Variants in HAO1 observed in about 807,000 individuals in gnomAD.
HAO1 encodes the protein 2-Hydroxyacid oxidase 1.
HAO1 carries 34 observed loss-of-function variants against 39.7 expected under a neutral mutation model. The observed-to-expected ratio is 0.86, with a 90% CI of 0.65 to 1.14. The LOEUF (loss-of-function observed/expected upper bound fraction) is 1.14. HAO1 is among the 50% of genes most tolerant of loss of function. The pLI is 0.00. For synonymous variants in HAO1, 172 were observed against 173.2 expected (o/e 0.99, Z 0.05); for missense variants, 479 against 464.5 (o/e 1.03, Z -0.29).
At chr20:7,926,609 T>C (rs1439151178) in intron 2 of HAO1, among the ~76,000 whole-genome samples, 1 of 152,102 alleles carries the variant, frequency 6.6e-6, no homozygotes, top group African/African-American at 2.4e-5. Flanking sequence ...TCCAGAAAAT[T>C]CAACAGCTAA....
At position 7,885,725 on chromosome 20, in the gene HAO1, A is replaced by G; in HGVS notation, c.953T>C (p.Val318Ala). Residue 318 changes from valine to alanine, a missense_variant, in exon 6 of 8, where the codon GTT becomes GCT. Physicochemically the swap from Val to Ala is moderately conservative, Grantham distance 64. Coordinates refer to ENST00000378789, the MANE Select transcript of HAO1 (RefSeq NM_017545.3). ...AKAVFVGRPI[V>A]WGLAFQGEKG... ...AGTTACCTGGAAAGCTAAGCCCCAA[A>G]CGATTGGTCTCCCCACAAACACAGC... 6.2e-7 allele frequency: 1 copy of G among 1,613,448 alleles called. No homozygotes were observed. Among genetic ancestry groups the G allele is most frequent in the Non-Finnish European group, 8.5e-7 (1 of 1,179,574 alleles).
At chr20:7,900,585 G>T (rs756728691) in intron 4 of HAO1, among the ~76,000 whole-genome samples, 1 of 152,104 alleles carries the variant, frequency 6.6e-6, no homozygotes, top group African/African-American at 2.4e-5. Flanking sequence ...GGGGTGCCAT[G>T]AACCATCGCC....
Position 7,934,625 on chromosome 20 carries a change from A to C in HAO1, c.148T>G (p.Tyr50Asp), listed in dbSNP as rs922966952. ...GCAACATTCCGGAGCATCCTTGGAT[A>C]CAGCTTCCATCTAGAATTAAAAAAT... ...NIAAFSRWKL[Y>D]PRMLRNVAET... The change falls in exon 2 of 8, where the codon TAT becomes GAT. Residue 50 changes from tyrosine to aspartate, a missense_variant. Transcript: ENST00000378789. 4 of 1,597,954 alleles carry C rather than the reference A, an allele frequency of 2.5e-6. No homozygotes were observed. In the African/African-American group the frequency reaches 5.4e-5, roughly 22 times the overall value.
At chr20:7,898,938 T>A (rs1300416635) in intron 4 of HAO1, among the ~76,000 whole-genome samples, 1 of 116,390 alleles carries the variant, frequency 8.6e-6, no homozygotes, top group Admixed American at 8.9e-5. Flanking sequence ...GAACTTCAAG[T>A]CAAATGTAAA....
In HAO1 at chr20:7,885,585, C is replaced by T. The variant is rs2050147210; in HGVS notation, c.978G>A (p.Glu326=). The change falls in exon 7 of 8, where the codon GAG becomes GAA. Residue 326 remains glutamate (E), a synonymous_variant. Transcript: ENST00000378789. ...TCTCGAGGACATCTTGAACACCTTT[C>T]TCCCCCTAACCAAGTGAAAAGATAC... The part of the protein sequence containing the change: ...PIVWGLAFQG[E]KGVQDVLEIL... 1 of 1,609,878 alleles carries T rather than the reference C, an allele frequency of 6.2e-7. No homozygotes were observed. Among genetic ancestry groups the T allele is most frequent in the East Asian group, 2.2e-5 (1 of 44,784 alleles).
chr20:7,932,277 C>T (rs2235246), intron 2 of HAO1, among the ~76,000 whole-genome samples: 34,024 of 152,042 alleles, frequency 0.22, 4,149 homozygotes, highest in East Asian at 0.48. Flanking sequence ...TACCCAGTCT[C>T]GAAGAGTATC....
intron 2 of HAO1, among the ~76,000 whole-genome samples, chr20:7,923,353 T>A (rs2050343540): frequency 1.3e-5 from 2 of 152,188 alleles, no homozygotes. Flanking sequence ...ACATCAAGTC[T>A]TAATGAAAAC....
At chr20:7,917,339 C>CAAAAA (rs55848354) in intron 2 of HAO1, among the ~76,000 whole-genome samples, 1 of 62,390 alleles carries the variant, frequency 1.6e-5, no homozygotes, top group Non-Finnish European at 3.3e-5. Context: ...GACTCCCTGT[C>CAAAAA]AAAAAAAAAA....
chr20:7,934,700 A>G lies in HAO1; in HGVS notation c.138-65T>C. 7 of 972,098 alleles carry G rather than the reference A, an allele frequency of 7.2e-6. No homozygotes were observed. In the South Asian group the frequency reaches 1.4e-4, roughly 19 times the overall value. The allele number at this position is 972,098 out of a possible 1,614,324, so 60.2% of individuals were successfully genotyped here. ...TTTCAGAATCATAACCAAAACTTTG[A>G]CATTACATTTTAGTTAAAAGAAAAA... On this transcript the variant is annotated intron_variant, in intron 1 of 7. Coordinates refer to ENST00000378789, the MANE Select transcript of HAO1 (RefSeq NM_017545.3).
In HAO1 at chr20:7,914,183, T is replaced by G; in HGVS notation, c.526A>C (p.Lys176Gln). The change falls in exon 3 of 8, where the codon AAA becomes CAA. Residue 176 changes from lysine to glutamine, a missense_variant. Coordinates refer to ENST00000378789, the MANE Select transcript of HAO1 (RefSeq NM_017545.3). ...NRLDDVRNRF[K>Q]LPPQLRMKNF... The stretch of plus-strand genomic sequence containing the variant: ...GGTTACCTGAGTTGTGGCGGCAGTT[T>G]GAATCTGTTACGCACATCATCCAGA... The G allele has an allele frequency of 6.2e-7, 1 of 1,613,984 alleles. No individual in the cohort carries two copies. The highest frequency in any genetic ancestry group is 2.2e-5 in the East Asian group (1 of 44,826).
chr20:7,889,251 C>T lies in HAO1; in HGVS notation c.814-3387G>A, dbSNP rs953868737. ...AGAACATCCCCAAGAACTTAACAAC[C>T]CAAATGCTTATTCTATAAAAATGTT... On this transcript the variant is annotated intron_variant, in intron 5 of 7. Coordinates refer to ENST00000378789, the MANE Select transcript of HAO1 (RefSeq NM_017545.3). Among the ~76,000 whole-genome samples, 31 of 152,022 alleles carry T rather than the reference C, an allele frequency of 2.0e-4. 1 individual carries two copies. Among genetic ancestry groups the T allele is most frequent in the East Asian group, 1.9e-4 (1 of 5,186 alleles).
At chr20:7,934,743 C>A in intron 1 of HAO1, 108 bp from the exon 2 acceptor site, 3 of 672,862 alleles carry the variant, frequency 4.5e-6, no homozygotes, top group East Asian at 3.1e-5. Flanking sequence ...TGGATTTTTT[C>A]CAAACAAGCA....
intron 2 of HAO1, among the ~76,000 whole-genome samples, chr20:7,932,691 T>C (rs2050391121): frequency 6.6e-6 from 1 of 152,200 alleles, no homozygotes. Flanking sequence ...AATTTTTAAA[T>C]TTGATGTCAT....
chr20:7,927,119 T>C (rs538173994), intron 2 of HAO1, among the ~76,000 whole-genome samples: 12 of 152,280 alleles, frequency 7.9e-5, no homozygotes, highest in African/African-American at 1.2e-4. Context: ...AATTTTATTA[T>C]AGCTACTGTG....
chr20:7,920,567 A>G (rs570111446), intron 2 of HAO1, among the ~76,000 whole-genome samples: 1 of 152,248 alleles, frequency 6.6e-6, no homozygotes, highest in African/African-American at 2.4e-5. Context: ...TCAATATGTC[A>G]CTTTCCTCAT....
At position 7,934,471 on chromosome 20, in the gene HAO1, A is replaced by G. The variant is rs766149715; in HGVS notation, c.289+13T>C. 16 of 1,602,692 alleles carry G rather than the reference A, an allele frequency of 1.0e-5. No individual in the cohort carries two copies. The East Asian group carries it at 2.2e-4, about 23-fold the overall frequency. On this transcript the variant is annotated intron_variant, in intron 2 of 7. Coordinates refer to ENST00000378789, the MANE Select transcript of HAO1 (RefSeq NM_017545.3). ...GCCTCCTTCTGTCCCTGTGGTGACA[A>G]TCTTCCTCCTACCTCTCACAGTGGC...
At chr20:7,930,575 G>C (rs2050381197) in intron 2 of HAO1, among the ~76,000 whole-genome samples, 1 of 152,138 alleles carries the variant, frequency 6.6e-6, no homozygotes, top group Non-Finnish European at 1.5e-5. Flanking sequence ...TGAAGGAATG[G>C]GGAAGTGAGA....
intron 4 of HAO1, among the ~76,000 whole-genome samples, chr20:7,896,827 C>T (rs2050200103): frequency 6.6e-6 from 1 of 152,150 alleles, no homozygotes; most frequent in Non-Finnish European, 1.5e-5. Context: ...TATTCCCCAC[C>T]TGAAGATAAC....
At chr20:7,899,024 T>A (rs1173323303) in intron 4 of HAO1, among the ~76,000 whole-genome samples, 2 of 151,864 alleles carry the variant, frequency 1.3e-5, no homozygotes, top group Non-Finnish European at 2.9e-5. Context: ...TACGTATAGC[T>A]CTCCAGTTTA....
Sources: gnomAD v4.1 joint callset for allele counts (sites outside exome capture counted in the v4.1 genomes callset) on GRCh38, gnomAD v4.1.1 for gene constraint, MANE v1.5 for transcripts, NCBI Gene and HGNC (gene_info 2026-07-23, HGNC 2026-07-21) for gene names.